CLSTN1: variants seen among roughly 807,000 people sequenced by gnomAD.
CLSTN1 encodes calsyntenin 1.
Under a neutral mutation model 108.3 loss-of-function variants are expected in CLSTN1, and 28 were observed. That is an observed-to-expected ratio of 0.26 (90% confidence interval 0.19 to 0.35). CLSTN1 has a LOEUF of 0.35. CLSTN1 is among the 10% of genes least tolerant of loss of function. CLSTN1 has a pLI of 1.00. For synonymous variants in CLSTN1, 524 were observed against 534.9 expected (o/e 0.98, Z 0.28); for missense variants, 1,157 against 1,302.6 (o/e 0.89, Z 1.72).
intron 1 of CLSTN1, among the ~76,000 whole-genome samples, chr1:9,808,865 G>A (rs1381510440): frequency 4.0e-5 from 6 of 151,696 alleles, no homozygotes; most frequent in South Asian, 2.1e-4. Context: ...GAGTACAGCC[G>A]GGACTGCTCT....
chr1:9,812,488 T>C (rs1654800663), intron 1 of CLSTN1, among the ~76,000 whole-genome samples: 1 of 152,108 alleles, frequency 6.6e-6, no homozygotes, highest in African/African-American at 2.4e-5. Flanking sequence ...GTTTTATCAA[T>C]ACTCAGGGCC....
intron 1 of CLSTN1, among the ~76,000 whole-genome samples, chr1:9,776,859 CATTTATCT>C (rs1290152368): frequency 4.6e-5 from 4 of 87,902 alleles, no homozygotes; most frequent in African/African-American, 2.1e-4. Context: ...CATCTATCAG[CATTTATCT>C]ATCTATCTAT....
At chr1:9,740,910 A>G (rs751398560) in intron 10 of CLSTN1, among the ~76,000 whole-genome samples, 184 bp downstream of exon 10, 27 of 152,150 alleles carry the variant, frequency 1.8e-4, no homozygotes, top group Non-Finnish European at 2.9e-4. Context: ...CTACAGACAG[A>G]GCTATGCTAG....
At chr1:9,744,274 G>A in intron 8 of CLSTN1, 121 bp downstream of exon 8, 2 of 1,399,264 alleles carry the variant, frequency 1.4e-6, no homozygotes, top group Non-Finnish European at 1.9e-6. Flanking sequence ...CACACAGCAT[G>A]GCACATGGCC....
rs1650246958 is a variant in CLSTN1 at position 9,729,851 on chromosome 1, G to A, written c.*657C>T. 6.5e-6 allele frequency: 1 copy of A among 154,578 alleles called. No individual in the cohort carries two copies. The highest frequency in any genetic ancestry group is 1.4e-5 in the Non-Finnish European group (1 of 69,604). 9.6% of individuals were successfully genotyped at this position (154,578 alleles called of 1,614,324 possible). A position where few individuals can be genotyped will look rare whatever the true frequency, so the allele number is the denominator to read the frequency against. On this transcript the variant is annotated 3_prime_UTR_variant, in exon 19 of 19. Transcript: ENST00000377298. ...CCAGCCATACTCAGACCTGAGCAGG[G>A]GCTGGGGCGGGGCTGGGCGGGGTGG...
chr1:9,818,457 T>C (rs1655065574), intron 1 of CLSTN1, among the ~76,000 whole-genome samples: 2 of 151,862 alleles, frequency 1.3e-5, no homozygotes, highest in Admixed American at 6.6e-5. Flanking sequence ...GCCTCCCAAG[T>C]AGCTGGGACT....
intron 1 of CLSTN1, among the ~76,000 whole-genome samples, chr1:9,792,596 C>T (rs1653817230): frequency 6.6e-6 from 1 of 151,428 alleles, no homozygotes; most frequent in African/African-American, 2.4e-5. Context: ...ACACAGACTC[C>T]AGCCACGGGT....
Position 9,749,446 on chromosome 1 carries a change from G to A in CLSTN1, c.985+15C>T, listed in dbSNP as rs570891384. ...ACCAAAGCCAGCCGGATGCAAGAAC[G>A]CCTGGTCTCCTTACCACAGAGCCGG... On this transcript the variant is annotated intron_variant, in intron 7 of 18. Coordinates refer to ENST00000377298, the MANE Select transcript of CLSTN1 (RefSeq NM_001009566.3). 2.0e-5 allele frequency: 32 copies of A among 1,592,990 alleles called. No individual in the cohort carries two copies. The highest frequency in any genetic ancestry group is 2.3e-5 in the Non-Finnish European group (27 of 1,172,362).
intron 1 of CLSTN1, among the ~76,000 whole-genome samples, chr1:9,794,892 T>C (rs1489422050): frequency 6.6e-6 from 1 of 151,268 alleles, no homozygotes; most frequent in Non-Finnish European, 1.5e-5. Flanking sequence ...CATATATAGT[T>C]CAAAACAGTC....
At chr1:9,742,263 G>A (rs1651021361) in intron 9 of CLSTN1, among the ~76,000 whole-genome samples, 1 of 151,984 alleles carries the variant, frequency 6.6e-6, no homozygotes, top group African/African-American at 2.4e-5. Context: ...TTGTCTATGA[G>A]ATACATCATG....
At chr1:9,775,453 G>A (rs1487645229) in intron 1 of CLSTN1, among the ~76,000 whole-genome samples, 3 of 151,840 alleles carry the variant, frequency 2.0e-5, no homozygotes, top group African/African-American at 7.3e-5. Context: ...TCACTTCCCT[G>A]AGAAGATGAT....
chr1:9,780,334 A>G (rs1290086259), intron 1 of CLSTN1, among the ~76,000 whole-genome samples: 1 of 152,204 alleles, frequency 6.6e-6, no homozygotes, highest in Non-Finnish European at 1.5e-5. Context: ...GACTTAAACT[A>G]AATGAATTTA....
At chr1:9,775,021 C>T (rs1212173756) in intron 1 of CLSTN1, among the ~76,000 whole-genome samples, 2 of 152,110 alleles carry the variant, frequency 1.3e-5, no homozygotes, top group East Asian at 1.9e-4. Context: ...TCTTAGCATG[C>T]TAATGTATTT....
chr1:9,734,149 A>G lies in CLSTN1; in HGVS notation c.2111-7T>C, dbSNP rs764023704. The G allele has an allele frequency of 5.8e-5, 94 of 1,613,654 alleles. No homozygotes were observed. The highest frequency in any genetic ancestry group is 7.5e-5 in the Non-Finnish European group (89 of 1,179,826). The stretch of plus-strand genomic sequence containing the variant: ...GACACCAGTGATTCTTGAACTGCAA[A>G]AGAGGCCCAACCAGAAATATTAAGT... On this transcript the variant is annotated splice_region_variant and splice_polypyrimidine_tract_variant and intron_variant, in intron 14 of 18. Transcript: ENST00000377298. This position sits in a 1 kb window ranked among gnomAD's most constrained non-coding sequence, Gnocchi z 4.8.
At position 9,730,831 on chromosome 1, in the gene CLSTN1, G is replaced by A; in HGVS notation, c.2749-126C>T. On this transcript the variant is annotated intron_variant, in intron 18 of 18. Coordinates refer to ENST00000377298, the MANE Select transcript of CLSTN1 (RefSeq NM_001009566.3). This position sits in a 1 kb window ranked among gnomAD's most constrained non-coding sequence, Gnocchi z 5.6. Reference sequence around the variant, plus strand: ...CAGCGTCTCCCTCCCCAGCGACAGAGCAGCCAGGACGGCACCGGAAGTTAT... The same window carrying A: ...CAGCGTCTCCCTCCCCAGCGACAGAACAGCCAGGACGGCACCGGAAGTTAT... 2 of 916,860 alleles carry A rather than the reference G, an allele frequency of 2.2e-6. No homozygotes were observed. The highest frequency in any genetic ancestry group is 2.2e-5 in the Admixed American group (1 of 45,238). The allele number at this position is 916,860 out of a possible 1,614,324, so 56.8% of individuals were successfully genotyped here. A position where few individuals can be genotyped will look rare whatever the true frequency, so the allele number is the denominator to read the frequency against.
chr1:9,782,584 G>A (rs1557712876), intron 1 of CLSTN1, among the ~76,000 whole-genome samples: 1 of 152,162 alleles, frequency 6.6e-6, no homozygotes, highest in African/African-American at 2.4e-5. Context: ...TAGGGTTATG[G>A]TAGATTTCAG....
rs781250982 is a variant in CLSTN1, at chr1:9,735,558, A to G, written c.1792T>C (p.Leu598=). 1.2e-6 allele frequency: 2 copies of G among 1,614,124 alleles called. No homozygotes were observed. The highest frequency in any genetic ancestry group is 2.2e-5 in the East Asian group (1 of 44,880). ...GAGATGTGCTGCATGGCCTTATCCA[A>G]TTCCCCGAGGTCTTCTCCCTCCAAG... ...LTLEGEDLGE[L]DKAMQHISYL... is the part of the protein sequence containing the mutation. Residue 598 remains leucine (L), a synonymous_variant, in exon 13 of 19, where the codon TTG becomes CTG. Coordinates refer to ENST00000377298, the MANE Select transcript of CLSTN1 (RefSeq NM_001009566.3).
intron 8 of CLSTN1, 108 bp downstream of exon 8, chr1:9,744,287 C>CT: frequency 1.4e-6 from 2 of 1,463,062 alleles, no homozygotes; most frequent in Non-Finnish European, 1.8e-6. Context: ...ACATGGCCTA[C>CT]GAGCACCAGG....
At chr1:9,736,194 A>C in intron 11 of CLSTN1, 152 bp from the exon 12 acceptor site, 1 of 860,162 alleles carries the variant, frequency 1.2e-6, no homozygotes, top group East Asian at 2.6e-5. Flanking sequence ...TGCAATCTAC[A>C]TGGAAGCGCA....
Sources: allele counts gnomAD v4.1 joint callset (sites outside exome capture counted in the v4.1 genomes callset), GRCh38; gene constraint gnomAD v4.1.1; non-coding constraint Gnocchi (gnomAD v3.1); transcripts MANE v1.5; gene names NCBI Gene and HGNC (gene_info 2026-07-23, HGNC 2026-07-21).